Variants in BCAS4 observed in about 807,000 individuals in gnomAD.
The protein encoded by BCAS4 is breast carcinoma-amplified sequence 4.
Under a neutral mutation model 15.7 loss-of-function variants are expected in BCAS4, and 9 were observed. The ratio of observed to expected loss-of-function variants is 0.57; its 90% CI spans 0.34 to 1.00. The LOEUF is 1.00. BCAS4 is among the 50% of genes least tolerant of loss of function. The pLI, the probability that BCAS4 is intolerant of heterozygous loss-of-function variation, is 0.02. For missense variants in BCAS4, 225 were observed against 239.1 expected (o/e 0.94, Z 0.39); for synonymous variants, 101 against 99.5 (o/e 1.02, Z -0.09).
At chr20:50,842,499 CT>C (rs2088497179) in intron 4 of BCAS4, among the ~76,000 whole-genome samples, 2 of 146 alleles carry the variant, frequency 0.014, no homozygotes, top group Non-Finnish European at 0.024. Context: ...TCACTGCAAC[CT>C]TTGGCCTCCT....
intron 4 of BCAS4, among the ~76,000 whole-genome samples, chr20:50,842,513 G>T (rs537835039): frequency 6.6e-6 from 1 of 152,150 alleles, no homozygotes; most frequent in East Asian, 1.9e-4. Context: ...GGCCTCCTGG[G>T]TTCAAGTGAT....
At chr20:50,839,288 A>G (rs1228488951) in intron 3 of BCAS4, among the ~76,000 whole-genome samples, 1 of 152,256 alleles carries the variant, frequency 6.6e-6, no homozygotes, top group Non-Finnish European at 1.5e-5. Flanking sequence ...TGTACTGAGC[A>G]CAGAGACAGT....
At chr20:50,867,493 C>G (rs1979417563) in intron 4 of BCAS4, among the ~76,000 whole-genome samples, 2 of 152,150 alleles carry the variant, frequency 1.3e-5, no homozygotes, top group South Asian at 4.1e-4. Context: ...ACTACAGGTG[C>G]ATGCCACCAT....
At chr20:50,804,762 A>G (rs1284955308) in intron 1 of BCAS4, among the ~76,000 whole-genome samples, 4 of 152,180 alleles carry the variant, frequency 2.6e-5, no homozygotes, top group South Asian at 2.1e-4. Flanking sequence ...TGGACACTCA[A>G]ACTTCAAGAT....
intron 4 of BCAS4, among the ~76,000 whole-genome samples, chr20:50,850,061 T>C (rs1379393746): frequency 6.6e-6 from 1 of 152,130 alleles, no homozygotes; most frequent in Non-Finnish European, 1.5e-5. Flanking sequence ...TACCTCTTCG[T>C]CCCCTCCACT....
intron 2 of BCAS4, 125 bp downstream of exon 2, chr20:50,818,407 G>C: frequency 1.1e-6 from 1 of 896,136 alleles, no homozygotes; most frequent in South Asian, 1.5e-5. Context: ...AGCGGCCAGC[G>C]CTGAGAGGAA....
intron 1 of BCAS4, among the ~76,000 whole-genome samples, chr20:50,796,470 TATATATATATATATA>T (rs1488209559): frequency 1.9e-3 from 24 of 12,596 alleles, no homozygotes; most frequent in South Asian, 3.6e-3. Context: ...TATATATATA[TATATATATATATATA>T]TATTTTTTTT....
intron 4 of BCAS4, among the ~76,000 whole-genome samples, chr20:50,874,929 G>A (rs1308008579): frequency 6.6e-6 from 1 of 152,180 alleles, no homozygotes; most frequent in East Asian, 1.9e-4. Context: ...GCAGGGAGCT[G>A]GGGGACAGGG....
chr20:50,840,633 C>G (rs972545994), intron 3 of BCAS4: 2 of 1,607,190 alleles, frequency 1.2e-6, no homozygotes, highest in Non-Finnish European at 1.7e-6. Context: ...CGCCTGCTTG[C>G]TTCTCCTGTT....
intron 3 of BCAS4, among the ~76,000 whole-genome samples, chr20:50,838,768 C>T (rs554403146): frequency 5.3e-5 from 8 of 152,186 alleles, no homozygotes; most frequent in East Asian, 1.9e-4. Context: ...TGCTTGAACT[C>T]GGGAGGCAGA....
intron 1 of BCAS4, among the ~76,000 whole-genome samples, chr20:50,802,997 A>G (rs2087946397): frequency 6.6e-6 from 1 of 152,240 alleles, no homozygotes; most frequent in South Asian, 2.1e-4. Context: ...CCTGGCCAAC[A>G]TGGCAAAACC....
intron 1 of BCAS4, among the ~76,000 whole-genome samples, chr20:50,798,312 CA>C (rs888271806): frequency 6.6e-6 from 1 of 151,014 alleles, no homozygotes; most frequent in African/African-American, 2.4e-5. Context: ...AACAAACAAA[CA>C]AAAAAAACCC....
At chr20:50,814,890 A>C (rs1018565714) in intron 1 of BCAS4, among the ~76,000 whole-genome samples, 3 of 152,150 alleles carry the variant, frequency 2.0e-5, no homozygotes, top group Non-Finnish European at 4.4e-5. Flanking sequence ...GGAGGATTGC[A>C]TGAGGCCAGG....
At chr20:50,842,048 C>G (rs1302344209) in intron 4 of BCAS4, 148 bp downstream of exon 4, 3 of 1,009,388 alleles carry the variant, frequency 3.0e-6, no homozygotes, top group Non-Finnish European at 4.2e-6. Flanking sequence ...GGCCAGGCAC[C>G]TCAGCCTTTC....
downstream of BCAS4, chr20:50,878,734 AGG>A (rs1468201804): frequency 6.6e-6 from 1 of 152,194 alleles, no homozygotes; most frequent in Non-Finnish European, 1.5e-5. Context: ...TTCTGGGCTC[AGG>A]GGACCCTCCT....
chr20:50,797,722 A>G (rs1035632556), intron 1 of BCAS4, among the ~76,000 whole-genome samples: 6 of 151,944 alleles, frequency 3.9e-5, no homozygotes, highest in Non-Finnish European at 7.4e-5. Context: ...CTGGAGTGCA[A>G]TGGTGTGATC....
intron 2 of BCAS4, among the ~76,000 whole-genome samples, chr20:50,826,851 C>T (rs574675776): frequency 6.6e-6 from 1 of 152,164 alleles, no homozygotes; most frequent in African/African-American, 2.4e-5. Context: ...AGCTGTAGTC[C>T]CAGCTATTCA....
chr20:50,877,406 C>T (rs1419084169), downstream of BCAS4: 1 of 152,182 alleles, frequency 6.6e-6, no homozygotes, highest in East Asian at 1.9e-4. Flanking sequence ...ACATTTCTTC[C>T]CATGCAGATG....
At chr20:50,859,206 G>A (rs1229238756) in intron 4 of BCAS4, among the ~76,000 whole-genome samples, 1 of 152,036 alleles carries the variant, frequency 6.6e-6, no homozygotes, top group African/African-American at 2.4e-5. Flanking sequence ...CCTCCCAAAG[G>A]GCTGAGATTA....
Sources: allele counts gnomAD v4.1 joint callset (sites outside exome capture counted in the v4.1 genomes callset), GRCh38; gene constraint gnomAD v4.1.1; transcripts MANE v1.5; gene names NCBI Gene and HGNC (gene_info 2026-07-23, HGNC 2026-07-21).